The following KLHDC1 variants were observed in gnomAD, a reference collection of about 807,000 sequenced individuals.
The protein encoded by KLHDC1 is kelch domain containing 1.
Under a neutral mutation model 68.3 loss-of-function variants are expected in KLHDC1, and 53 were observed. The observed-to-expected ratio is 0.78, with a 90% CI of 0.62 to 0.98. The LOEUF (loss-of-function observed/expected upper bound fraction) is 0.98, where lower values mean the gene tolerates loss of function less well. Among genes scored for constraint, KLHDC1 ranks in the 50% least tolerant of loss-of-function variants. KLHDC1 has a pLI of 0.00. For missense variants in KLHDC1, 470 were observed against 492.3 expected, an observed-to-expected ratio of 0.95 and a Z score of 0.43; for synonymous variants, 148 against 159.0, an observed-to-expected ratio of 0.93 and a Z score of 0.52.
At chr14:49,750,918 T>C (rs1330986960) in intron 12 of KLHDC1, 1 of 152,140 alleles carries the variant, frequency 6.6e-6, no homozygotes, top group African/African-American at 2.4e-5. Context: ...TCTCTCTGGG[T>C]CAAATAAGTC....
At chr14:49,694,768 C>G (rs541333526) in intron 1 of KLHDC1, among the ~76,000 whole-genome samples, 1 of 152,198 alleles carries the variant, frequency 6.6e-6, no homozygotes, top group East Asian at 1.9e-4. Context: ...GCAGGAGAAT[C>G]ACTTGGACCC....
intron 1 of KLHDC1, among the ~76,000 whole-genome samples, chr14:49,698,957 G>A (rs1327051210): frequency 1.3e-5 from 2 of 151,840 alleles, no homozygotes; most frequent in Non-Finnish European, 1.5e-5. Flanking sequence ...GAGGGCAGGA[G>A]ATCGAGACCA....
At chr14:49,750,923 T>C (rs1003638471) in intron 12 of KLHDC1, 2 of 152,124 alleles carry the variant, frequency 1.3e-5, no homozygotes, top group African/African-American at 4.8e-5. Flanking sequence ...CTGGGTCAAA[T>C]AAGTCAAGTG....
intron 12 of KLHDC1, among the ~76,000 whole-genome samples, chr14:49,744,479 T>C (rs147106528): frequency 5.2e-4 from 79 of 152,220 alleles, no homozygotes; most frequent in Admixed American, 1.5e-3. Context: ...ATATATATCA[T>C]ATATATGTTA....
chr14:49,712,328 T>C (rs1372593725), intron 4 of KLHDC1, among the ~76,000 whole-genome samples: 1 of 152,214 alleles, frequency 6.6e-6, no homozygotes, highest in Non-Finnish European at 1.5e-5. Flanking sequence ...CATTTGGCTA[T>C]AGAATCCCAA....
chr14:49,707,011 G>C (rs1379371484), intron 1 of KLHDC1, among the ~76,000 whole-genome samples: 4 of 152,052 alleles, frequency 2.6e-5, no homozygotes. Context: ...GTCCATTTTT[G>C]CTTTGGTGGC....
rs908349214 is a variant in KLHDC1, at chr14:49,725,993, G to A, written c.567+224G>A. ...CTCCTGACTAGCTGGGACTACAGGC[G>A]TGGACCACCATGCCTGGCTAATTTT... On this transcript the variant is annotated intron_variant, in intron 6 of 12. Transcript: ENST00000359332. 9.2e-5 allele frequency among the ~76,000 whole-genome samples: 14 copies of A among 152,166 alleles called. No individual in the cohort carries two copies. In the South Asian group the frequency reaches 1.7e-3, roughly 18 times the overall value.
chr14:49,717,791 GC>G (rs1427047353), intron 4 of KLHDC1, among the ~76,000 whole-genome samples: 11 of 151,998 alleles, frequency 7.2e-5, no homozygotes, highest in Admixed American at 2.0e-4. Context: ...CCATTCTTGG[GC>G]TTTTCTTTCT....
At position 49,707,272 on chromosome 14, in the gene KLHDC1, A is replaced by ATG. The variant is rs749232051; in HGVS notation, c.97-1862_97-1861dup. Among the ~76,000 whole-genome samples, 705 of 138,358 alleles carry ATG rather than the reference A, an allele frequency of 5.1e-3. 1 individual carries two copies. Among genetic ancestry groups the ATG allele is most frequent in the African/African-American group, 0.014 (504 of 36,312 alleles). The allele number at this position is 138,358 out of a possible 152,430, so 90.8% of individuals were successfully genotyped here. ...ACTAATACAACGCTTTTCTATTTTT[A>ATG]TGTGTGTGTGTGTGTGTGTGTGTGT... On this transcript the variant is annotated intron_variant, in intron 1 of 12. Coordinates refer to ENST00000359332, the MANE Select transcript of KLHDC1 (RefSeq NM_172193.3).
At chr14:49,728,126 C>A (rs1284805811) in intron 6 of KLHDC1, among the ~76,000 whole-genome samples, 1 of 152,136 alleles carries the variant, frequency 6.6e-6, no homozygotes, top group Non-Finnish European at 1.5e-5. Context: ...GGTTTGAGAC[C>A]AGCCTGGACA....
chr14:49,747,505 T>C (rs1333288657), intron 12 of KLHDC1, among the ~76,000 whole-genome samples: 1 of 152,188 alleles, frequency 6.6e-6, no homozygotes, highest in Non-Finnish European at 1.5e-5. Context: ...AGCAAACAGA[T>C]TTTTAAATTA....
chr14:49,705,771 T>C (rs1888035379), intron 1 of KLHDC1, among the ~76,000 whole-genome samples: 1 of 152,204 alleles, frequency 6.6e-6, no homozygotes, highest in Admixed American at 6.5e-5. Context: ...ATTATTTGTT[T>C]ACTTAGCCAT....
At position 49,693,173 on chromosome 14, in the gene KLHDC1, C is replaced by T. The variant is rs373238359; in HGVS notation, c.-22C>T. The T allele has an allele frequency of 4.5e-6, 7 of 1,569,626 alleles. No individual in the cohort carries two copies. Among genetic ancestry groups the T allele is most frequent in the African/African-American group, 4.2e-5 (3 of 70,814 alleles). On this transcript the variant is annotated 5_prime_UTR_variant, in exon 1 of 13. Transcript: ENST00000359332. ...CGGGCAGGGGTTGTGGCGCGGCAAG[C>T]GGCGGGCCAGCGACGGCGCGAATGG...
intron 1 of KLHDC1, among the ~76,000 whole-genome samples, chr14:49,706,770 C>T (rs1402424577): frequency 6.6e-6 from 1 of 152,116 alleles, no homozygotes; most frequent in Non-Finnish European, 1.5e-5. Context: ...GTTTGCCATA[C>T]TTATGTCTTC....
intron 3 of KLHDC1, among the ~76,000 whole-genome samples, 187 bp downstream of exon 3, chr14:49,710,013 CA>C (rs1005618624): frequency 4.4e-4 from 67 of 152,236 alleles, no homozygotes; most frequent in African/African-American, 1.6e-3. Context: ...CTTTCTGCTT[CA>C]GAATTAACTG....
chr14:49,697,068 C>T (rs984292750), intron 1 of KLHDC1, among the ~76,000 whole-genome samples: 2 of 152,114 alleles, frequency 1.3e-5, no homozygotes, highest in Non-Finnish European at 2.9e-5. Context: ...TCCCGAGAAG[C>T]TGGGACTACA....
chr14:49,702,634 A>G (rs1270041734), intron 1 of KLHDC1, among the ~76,000 whole-genome samples: 1 of 152,200 alleles, frequency 6.6e-6, no homozygotes, highest in Non-Finnish European at 1.5e-5. Context: ...CTCATAAAAT[A>G]TAAGATATGT....
chr14:49,744,966 A>T (rs1180306461), intron 12 of KLHDC1, among the ~76,000 whole-genome samples: 1 of 152,204 alleles, frequency 6.6e-6, no homozygotes, highest in East Asian at 1.9e-4. Context: ...AGGAGTCTGT[A>T]CAAAGTTTAG....
chr14:49,737,877 A>AC (rs913582945), intron 10 of KLHDC1, among the ~76,000 whole-genome samples: 2 of 151,588 alleles, frequency 1.3e-5, no homozygotes, highest in Non-Finnish European at 2.9e-5. Context: ...AAAAAAAAAA[A>AC]AAAAAAAAAC....
Sources: gnomAD v4.1 joint callset for allele counts (sites outside exome capture counted in the v4.1 genomes callset) on GRCh38, gnomAD v4.1.1 for gene constraint, MANE v1.5 for transcripts, NCBI Gene and HGNC (gene_info 2026-07-23, HGNC 2026-07-21) for gene names.